The following CARF variants were observed in gnomAD, a reference collection of about 807,000 sequenced individuals.
CARF encodes calcium-responsive transcription factor.
In CARF, 57 loss-of-function variants were observed where a neutral mutation model predicts 82.0. That is an observed-to-expected ratio of 0.70 (90% CI 0.56 to 0.87). The LOEUF is 0.87. Ranked by LOEUF, CARF falls within the 40% of genes least tolerant of loss-of-function variation. The pLI is 0.00. For missense variants in CARF, 771 were observed against 855.8 expected, an observed-to-expected ratio of 0.90 and a Z score of 1.24; for synonymous variants, 268 against 290.1, an observed-to-expected ratio of 0.92 and a Z score of 0.77.
chr2:202,980,007 G>C (rs949045847), intron 14 of CARF, among the ~76,000 whole-genome samples: 6 of 152,150 alleles, frequency 3.9e-5, no homozygotes, highest in African/African-American at 1.4e-4. Flanking sequence ...ACCCATGGTT[G>C]AGTACAGTGG....
rs2060395029 is a variant in CARF, at chr2:202,985,187, G to GATATC, written c.*1565_*1569dup. 6.6e-6 allele frequency: 1 copy of GATATC among 151,898 alleles called. No homozygotes were observed. The highest frequency in any genetic ancestry group is 1.5e-5 in the Non-Finnish European group (1 of 67,980). The allele number at this position is 151,898 out of a possible 1,614,324, so 9.4% of individuals were successfully genotyped here. ...ATTTTAAAAATAAAGATTTTAAATG[G>GATATC]ATATCAATGTTTAATATTCAAAACA... On this transcript the variant is annotated 3_prime_UTR_variant, in exon 17 of 17. Coordinates refer to ENST00000438828, the MANE Select transcript of CARF (RefSeq NM_024744.17).
intron 12 of CARF, chr2:202,973,403 A>T (rs1162877364): frequency 1.4e-5 from 6 of 423,756 alleles, no homozygotes; most frequent in Non-Finnish European, 2.3e-5. Flanking sequence ...CATTTCTTTT[A>T]TATATTGATT....
At chr2:202,919,154 A>G (rs1690318282) in intron 2 of CARF, among the ~76,000 whole-genome samples, 1 of 152,108 alleles carries the variant, frequency 6.6e-6, no homozygotes, top group Non-Finnish European at 1.5e-5. Context: ...TCTCACCTCC[A>G]AGTAAAACTT....
intron 2 of CARF, among the ~76,000 whole-genome samples, chr2:202,918,436 G>T (rs1039309815): frequency 3.3e-5 from 5 of 152,172 alleles, no homozygotes; most frequent in Non-Finnish European, 7.3e-5. Context: ...CAGGAGAATG[G>T]TGTGAACCTG....
At chr2:202,981,736 C>T (rs866320080) in intron 15 of CARF, 51 bp downstream of exon 15, 1 of 1,478,602 alleles carries the variant, frequency 6.8e-7, no homozygotes, top group Non-Finnish European at 9.4e-7. Context: ...TTTATTCCTC[C>T]ATTTACCTCT....
intron 3 of CARF, among the ~76,000 whole-genome samples, chr2:202,927,414 T>G (rs1306579833): frequency 1.3e-5 from 2 of 152,192 alleles, no homozygotes; most frequent in African/African-American, 4.8e-5. Context: ...TGTATGTATA[T>G]ATCCTGGATG....
At chr2:202,917,062 T>G (rs944091187) in intron 1 of CARF, among the ~76,000 whole-genome samples, 3 of 151,350 alleles carry the variant, frequency 2.0e-5, no homozygotes, top group African/African-American at 7.3e-5. Context: ...TACAAAAAAA[T>G]TAGCCGGGCG....
intron 13 of CARF, among the ~76,000 whole-genome samples, chr2:202,976,716 CT>C (rs5837834): frequency 2.9e-4 from 40 of 139,920 alleles, no homozygotes; most frequent in Middle Eastern, 3.6e-3. Flanking sequence ...AACTCTTTGT[CT>C]TTTTTTTTTT....
At chr2:202,931,570 A>G (rs1276374257) in intron 3 of CARF, among the ~76,000 whole-genome samples, 1 of 152,166 alleles carries the variant, frequency 6.6e-6, no homozygotes, top group South Asian at 2.1e-4. Flanking sequence ...TTGGTGGAAC[A>G]ATTGCCTTTT....
At chr2:202,968,444 T>C (rs1416809233) in intron 10 of CARF, among the ~76,000 whole-genome samples, 3 of 152,086 alleles carry the variant, frequency 2.0e-5, no homozygotes. Context: ...TCTCAAGAAG[T>C]TTTTAAAGCC....
At chr2:202,928,841 C>A (rs564733370) in intron 3 of CARF, among the ~76,000 whole-genome samples, 44 of 152,174 alleles carry the variant, frequency 2.9e-4, no homozygotes, top group African/African-American at 1.0e-3. Flanking sequence ...CCTCAGTCTC[C>A]CGGGCTTAGG....
At chr2:202,939,690 T>C (rs563327937) in intron 3 of CARF, among the ~76,000 whole-genome samples, 63 of 144,786 alleles carry the variant, frequency 4.4e-4, no homozygotes, top group African/African-American at 1.0e-3. Context: ...TTTTTCTTTT[T>C]TTTTTTTTTT....
rs1258805348 is a variant in CARF at position 202,952,590 on chromosome 2, A to G, written c.338A>G (p.Gln113Arg). ...GTTGCCAGCCCAACAGAAAATGGAC[A>G]GGTACTTCGTGTAATTCCACCTACC... The part of the protein sequence containing the change: ...MIVASPTENG[Q>R]VLRVIPPTQT... The change falls in exon 6 of 17, where the codon CAG (glutamine) becomes CGG (arginine). Residue 113 changes from glutamine to arginine, a missense_variant. Physicochemically the swap from Gln to Arg is conservative, Grantham distance 43 (BLOSUM62 1). Coordinates refer to ENST00000438828, the MANE Select transcript of CARF (RefSeq NM_024744.17). 6.2e-7 allele frequency: 1 copy of G among 1,613,830 alleles called. No individual in the cohort carries two copies. The highest frequency in any genetic ancestry group is 1.7e-5 in the Admixed American group (1 of 59,994).
intron 1 of CARF, among the ~76,000 whole-genome samples, chr2:202,915,658 C>T (rs1482039940): frequency 1.3e-5 from 2 of 151,952 alleles, no homozygotes; most frequent in African/African-American, 2.4e-5. Flanking sequence ...TTGGTAGACA[C>T]AGGGTTTTAT....
intron 3 of CARF, among the ~76,000 whole-genome samples, chr2:202,930,710 G>A (rs1692730589): frequency 6.6e-6 from 1 of 152,000 alleles, no homozygotes; most frequent in African/African-American, 2.4e-5. Flanking sequence ...GCAACTCGTA[G>A]CCTTTTTATC....
At chr2:202,943,629 C>CAT (rs1194838421) in intron 5 of CARF, among the ~76,000 whole-genome samples, 9 of 117,780 alleles carry the variant, frequency 7.6e-5, no homozygotes, top group African/African-American at 2.5e-4. Flanking sequence ...CACACACACA[C>CAT]ATATTAGGCT....
chr2:202,974,517 C>A, intron 13 of CARF, 21 bp downstream of exon 13: 4 of 1,569,654 alleles, frequency 2.5e-6, no homozygotes, highest in Non-Finnish European at 3.4e-6. Flanking sequence ...AACCATAATT[C>A]CTTATTACAG....
intron 8 of CARF, among the ~76,000 whole-genome samples, chr2:202,960,012 GA>G (rs1235882006): frequency 2.0e-5 from 3 of 152,062 alleles, no homozygotes; most frequent in East Asian, 3.8e-4. Context: ...AAACAATAAA[GA>G]AAGACAAGGA....
chr2:202,916,161 A>G (rs1199028673), intron 1 of CARF, among the ~76,000 whole-genome samples: 1 of 107,846 alleles, frequency 9.3e-6, no homozygotes, highest in Non-Finnish European at 1.9e-5. Flanking sequence ...TTTGAGCAAT[A>G]TTTTATTTAT....
Sources: gnomAD v4.1 joint callset for allele counts (sites outside exome capture counted in the v4.1 genomes callset) on GRCh38, gnomAD v4.1.1 for gene constraint, MANE v1.5 for transcripts, NCBI Gene and HGNC (gene_info 2026-07-23, HGNC 2026-07-21) for gene names.